Variants in QTMAN observed in about 807,000 individuals in gnomAD.
QTMAN encodes the protein queuosine-tRNA mannosyltransferase.
At chr2:144,069,297 CAA>C in the QTMAN span, among the ~76,000 whole-genome samples, 1,666 of 85,476 alleles carry the variant, frequency 0.019, 21 homozygotes, top group African/African-American at 0.058. Context: ...GAATCTTTTA[CAA>C]AAAAAAAAAA....
At chr2:144,104,565 C>T in the QTMAN span, among the ~76,000 whole-genome samples, 4 of 152,132 alleles carry the variant, frequency 2.6e-5, no homozygotes, top group South Asian at 2.1e-4. Context: ...GGGGGAGGGG[C>T]GCCCACAATT....
At chr2:144,059,054 C>T in the QTMAN span, among the ~76,000 whole-genome samples, 1 of 152,210 alleles carries the variant, frequency 6.6e-6, no homozygotes, top group Non-Finnish European at 1.5e-5. Flanking sequence ...CAGTATCCTA[C>T]AGGATAACAT....
the QTMAN span, among the ~76,000 whole-genome samples, chr2:144,304,305 C>A: frequency 7.2e-5 from 11 of 152,152 alleles, no homozygotes; most frequent in Admixed American, 5.9e-4. Flanking sequence ...TCAAAACAAT[C>A]CTAACAAACA....
chr2:144,165,400 T>C, the QTMAN span, among the ~76,000 whole-genome samples: 1 of 151,638 alleles, frequency 6.6e-6, no homozygotes, highest in African/African-American at 2.4e-5. Context: ...TATAAATAAA[T>C]AAATAAATAA....
At chr2:144,043,677 T>TGCCA in the QTMAN span, among the ~76,000 whole-genome samples, 1 of 151,360 alleles carries the variant, frequency 6.6e-6, no homozygotes, top group African/African-American at 2.4e-5. Flanking sequence ...GGTAAACTCA[T>TGCCA]GCCAACATCT....
At chr2:143,978,151 C>T in the QTMAN span, among the ~76,000 whole-genome samples, 9 of 152,288 alleles carry the variant, frequency 5.9e-5, no homozygotes, top group South Asian at 1.9e-3. Context: ...GATGAAAGTG[C>T]TCTCTAATAA....
At chr2:144,270,252 C>G in the QTMAN span, among the ~76,000 whole-genome samples, 1 of 152,116 alleles carries the variant, frequency 6.6e-6, no homozygotes. Context: ...TGTGGCAATT[C>G]CTCAAGGATC....
At chr2:144,088,098 TA>T in the QTMAN span, among the ~76,000 whole-genome samples, 1 of 151,936 alleles carries the variant, frequency 6.6e-6, no homozygotes, top group Non-Finnish European at 1.5e-5. Context: ...ATGAATTCAG[TA>T]AAGTTGCAGG....
the QTMAN span, among the ~76,000 whole-genome samples, chr2:144,166,632 A>G: frequency 6.6e-6 from 1 of 152,234 alleles, no homozygotes; most frequent in Non-Finnish European, 1.5e-5. Flanking sequence ...AAATGAATAT[A>G]AATTCATACC....
chr2:143,948,129 A>G, the QTMAN span, among the ~76,000 whole-genome samples: 2 of 152,228 alleles, frequency 1.3e-5, no homozygotes, highest in African/African-American at 4.8e-5. Context: ...AAAGGGGACT[A>G]TAAGGTGACC....
chr2:143,956,044 G>A, the QTMAN span, among the ~76,000 whole-genome samples: 1 of 152,128 alleles, frequency 6.6e-6, no homozygotes, highest in Middle Eastern at 3.2e-3. Context: ...CAGTGGATAA[G>A]AAAGAAAATT....
chr2:144,105,338 A>G, the QTMAN span, among the ~76,000 whole-genome samples: 1 of 152,228 alleles, frequency 6.6e-6, no homozygotes, highest in South Asian at 2.1e-4. Flanking sequence ...ACCCATTGCA[A>G]AGAAGCTAAA....
At chr2:144,266,459 C>T in the QTMAN span, among the ~76,000 whole-genome samples, 1 of 152,106 alleles carries the variant, frequency 6.6e-6, no homozygotes, top group South Asian at 2.1e-4. Context: ...TTTTCTTTAC[C>T]TATAGATACA....
the QTMAN span, among the ~76,000 whole-genome samples, chr2:144,313,931 C>A: frequency 6.6e-6 from 1 of 151,622 alleles, no homozygotes; most frequent in African/African-American, 2.4e-5. Context: ...CTTGAACTAA[C>A]AATGCATGGT....
chr2:144,237,596 A>G, the QTMAN span, among the ~76,000 whole-genome samples: 1 of 152,310 alleles, frequency 6.6e-6, no homozygotes, highest in South Asian at 2.1e-4. Flanking sequence ...GTCAAGTTCC[A>G]TTCTATTAAA....
the QTMAN span, among the ~76,000 whole-genome samples, chr2:143,982,880 G>T: frequency 7.0e-6 from 1 of 143,740 alleles, no homozygotes; most frequent in African/African-American, 2.5e-5. Flanking sequence ...AAAAAGAATA[G>T]ATAATAATAG....
At chr2:143,970,808 G>A in the QTMAN span, 2 of 1,074,186 alleles carry the variant, frequency 1.9e-6, no homozygotes, top group Non-Finnish European at 2.9e-6. Flanking sequence ...CTTAGGGCAT[G>A]TGTTAGGAAA....
the QTMAN span, among the ~76,000 whole-genome samples, chr2:144,128,582 T>C: frequency 1.3e-5 from 2 of 152,040 alleles, no homozygotes; most frequent in Non-Finnish European, 2.9e-5. Context: ...TAGTACCACA[T>C]TTCTAACAAT....
chr2:144,081,786 T>C, the QTMAN span, among the ~76,000 whole-genome samples: 1 of 152,268 alleles, frequency 6.6e-6, no homozygotes, highest in African/African-American at 2.4e-5. Context: ...GCCTGGGTCA[T>C]TGTGGCAACA....
Sources: gnomAD v4.1 joint callset for allele counts (sites outside exome capture counted in the v4.1 genomes callset) on GRCh38, gnomAD v4.1.1 for gene constraint, MANE v1.5 for transcripts, NCBI Gene and HGNC (gene_info 2026-07-23, HGNC 2026-07-21) for gene names.